P3H4: variants seen among roughly 807,000 people sequenced by gnomAD.
P3H4 encodes the protein endoplasmic reticulum protein SC65.
P3H4 carries 47 observed loss-of-function variants against 52.9 expected under a neutral mutation model. The observed-to-expected ratio is 0.89, with a 90% CI of 0.70 to 1.13. The LOEUF (loss-of-function observed/expected upper bound fraction) is 1.13. Ranked by LOEUF, P3H4 falls within the 50% of genes most tolerant of loss-of-function variation. The pLI is 0.00. For missense variants in P3H4, 585 were observed against 611.0 expected, an observed-to-expected ratio of 0.96 and a Z score of 0.45; for synonymous variants, 256 against 267.9, an observed-to-expected ratio of 0.96 and a Z score of 0.44.
At chr17:41,810,302 T>C (rs2047715921) in intron 3 of P3H4, among the ~76,000 whole-genome samples, 2 of 150,750 alleles carry the variant, frequency 1.3e-5, no homozygotes, top group African/African-American at 4.9e-5. Flanking sequence ...GCCTCCCGAG[T>C]AGCTGGGATT....
At chr17:41,808,696 C>T (rs2047699701) in intron 4 of P3H4, among the ~76,000 whole-genome samples, 1 of 152,118 alleles carries the variant, frequency 6.6e-6, no homozygotes, top group Non-Finnish European at 1.5e-5. Context: ...GCCATGCCTA[C>T]CTATTACTGT....
At position 41,803,409 on chromosome 17, in the gene P3H4, G is replaced by A. The variant is rs781875731; in HGVS notation, c.1169C>T (p.Pro390Leu). The change falls in exon 7 of 8, where the codon CCG becomes CTG. Residue 390 changes from proline (P) to leucine (L), a missense_variant. Physicochemically the swap from Pro to Leu is moderately conservative, Grantham distance 98 (BLOSUM62 -3). Coordinates refer to ENST00000393928, the MANE Select transcript of P3H4 (RefSeq NM_006455.3). ...TAGGGCATCCTCAGGCTCCAGGGGC[G>A]GTTCTGTCTCCTCCAGCTCCATCTA... Reference protein sequence around the residue: ...DDEMELEETEPPLEPEDALSD... With the variant: ...DDEMELEETELPLEPEDALSD... The A allele has an allele frequency of 3.5e-5, 56 of 1,613,666 alleles. No homozygotes were observed. In the Admixed American group the frequency reaches 5.7e-4, roughly 16 times the overall value.
rs1726526924 is a variant in P3H4, at chr17:41,811,474, G to C, written c.442C>G (p.Leu148Val). Residue 148 changes from leucine to valine, a missense_variant, in exon 1 of 8, where the codon CTG becomes GTG. By Grantham distance (32) the Leu-to-Val change is conservative (BLOSUM62 1). Transcript: ENST00000393928. The surrounding 1 kb of genome is among the most constrained non-coding windows in gnomAD (Gnocchi z 4.8). The stretch of plus-strand genomic sequence containing the variant: ...CCCACCTTGAACAGCGCGTAGTGCA[G>C]GTACTGGTAGGGCAGGCGGCTCTGG... ...DFQSRLPYQY[L>V]HYALFKANRL... 6.2e-7 allele frequency: 1 copy of C among 1,612,244 alleles called. No individual in the cohort carries two copies. The highest frequency in any genetic ancestry group is 1.3e-5 in the African/African-American group (1 of 74,930).
intron 5 of P3H4, 64 bp downstream of exon 5, chr17:41,807,795 G>A (rs781939152): frequency 4.5e-6 from 7 of 1,556,374 alleles, no homozygotes; most frequent in Non-Finnish European, 6.1e-6. Context: ...ACCGCGCCCG[G>A]CCGCCAGGAG....
rs535703163 is a variant in P3H4 at position 41,804,597 on chromosome 17, C to T, written c.1147-1166G>A. Among the ~76,000 whole-genome samples the T allele has an allele frequency of 3.5e-3, 536 of 152,254 alleles. 5 individuals carry two copies. Among genetic ancestry groups the T allele is most frequent in the African/African-American group, 0.012 (512 of 41,558 alleles). On this transcript the variant is annotated intron_variant, in intron 6 of 7. Transcript: ENST00000393928. ...GAGCTGAGACTGCACCACTGCACTC[C>T]AGCCTGGATGACAGAGTGAGACTCG...
chr17:41,809,609 C>T, intron 4 of P3H4, 97 bp downstream of exon 4: 1 of 1,431,922 alleles, frequency 7.0e-7, no homozygotes, highest in Non-Finnish European at 9.5e-7. Context: ...GTCCTCAATA[C>T]TGAAGGAAAG....
intron 5 of P3H4, chr17:41,807,080 G>A (rs1032364902): frequency 3.5e-6 from 2 of 573,650 alleles, no homozygotes; most frequent in East Asian, 2.9e-5. Context: ...GTGACAAAGA[G>A]TCCCTCAATC....
intron 6 of P3H4, among the ~76,000 whole-genome samples, chr17:41,805,865 T>A (rs552950151): frequency 1.6e-4 from 24 of 152,194 alleles, no homozygotes; most frequent in Non-Finnish European, 2.9e-4. Flanking sequence ...AGAGGATACA[T>A]AAATGAGCAC....
At chr17:41,803,238 C>A in intron 7 of P3H4, 49 bp downstream of exon 7, 3 of 1,584,802 alleles carry the variant, frequency 1.9e-6, no homozygotes, top group Non-Finnish European at 2.6e-6. Context: ...CTGTCCCCAA[C>A]CTCCATCCCA....
intron 5 of P3H4, 52 bp from the exon 6 acceptor site, chr17:41,806,931 T>A: frequency 6.9e-7 from 1 of 1,446,186 alleles, no homozygotes; most frequent in Non-Finnish European, 9.6e-7. Flanking sequence ...TGTTGCCAGA[T>A]GGCAAGAAGC....
chr17:41,802,740 G>A lies in P3H4; in HGVS notation c.*217C>T, dbSNP rs968011184. ...CTAATTTATGTATTTTAGTAGAGAC[G>A]GAGGTCTCATCATGTTGGCCAGGCT... is the stretch of plus-strand genomic sequence containing the variant. On this transcript the variant is annotated 3_prime_UTR_variant, in exon 8 of 8. Coordinates refer to ENST00000393928, the MANE Select transcript of P3H4 (RefSeq NM_006455.3). 2.5e-5 allele frequency: 13 copies of A among 509,846 alleles called. No homozygotes were observed. The highest frequency in any genetic ancestry group is 4.0e-5 in the Admixed American group (1 of 25,192). The allele number at this position is 509,846 out of a possible 1,614,324, so 31.6% of individuals were successfully genotyped here. A position where few individuals can be genotyped will look rare whatever the true frequency, so the allele number is the denominator to read the frequency against.
Position 41,811,507 on chromosome 17 carries a change from G to C in P3H4, c.409C>G (p.Arg137Gly), listed in dbSNP as rs782381020. 15 of 1,611,672 alleles carry C rather than the reference G, an allele frequency of 9.3e-6. No homozygotes were observed. The highest frequency in any genetic ancestry group is 6.6e-5 in the South Asian group (6 of 91,050). The change falls in exon 1 of 8, where the codon CGT (arginine) becomes GGT (glycine). Residue 137 changes from arginine (R) to glycine (G), a missense_variant. By Grantham distance (125) the Arg-to-Gly change is moderately radical. Coordinates refer to ENST00000393928, the MANE Select transcript of P3H4 (RefSeq NM_006455.3). This position sits in a 1 kb window ranked among gnomAD's most constrained non-coding sequence, Gnocchi z 4.8. ...TAGGGCAGGCGGCTCTGGAAGTCACGCAGCAGCTGCCGCGGCGGGTAGGGC... is the reference window on the plus strand; with the variant it reads ...TAGGGCAGGCGGCTCTGGAAGTCACCCAGCAGCTGCCGCGGCGGGTAGGGC... ...QVPYPPRQLL[R>G]DFQSRLPYQY...
Position 41,811,926 on chromosome 17 carries a change from C to T in P3H4, c.-11G>A, listed in dbSNP as rs1389394809. The T allele has an allele frequency of 4.0e-6, 6 of 1,498,014 alleles. No homozygotes were observed. The highest frequency in any genetic ancestry group is 5.3e-6 in the Non-Finnish European group (6 of 1,132,444). 92.8% of individuals were successfully genotyped at this position (1,498,014 alleles called of 1,614,324 possible). On this transcript the variant is annotated 5_prime_UTR_variant, in exon 1 of 8. Coordinates refer to ENST00000393928, the MANE Select transcript of P3H4 (RefSeq NM_006455.3). The surrounding 1 kb of genome is among the most constrained non-coding windows in gnomAD (Gnocchi z 4.8). ...CGCCACCCGAGCCATGCCCGCCGCG[C>T]CGCCGGCTCTCCGGAGCTGAGCTGG...
At chr17:41,807,083 C>T in intron 5 of P3H4, 1 of 572,314 alleles carries the variant, frequency 1.7e-6, no homozygotes, top group Non-Finnish European at 3.1e-6. Context: ...ACAAAGAGTC[C>T]CTCAATCGAT....
At chr17:41,806,688 C>T (rs914042907) in intron 6 of P3H4, 108 bp downstream of exon 6, 3 of 873,700 alleles carry the variant, frequency 3.4e-6, no homozygotes, top group East Asian at 2.6e-5. Context: ...TTCTTCACGA[C>T]AGCTGACCAC....
At chr17:41,810,073 C>T (rs1259200146) in intron 3 of P3H4, among the ~76,000 whole-genome samples, 2 of 151,950 alleles carry the variant, frequency 1.3e-5, no homozygotes, top group African/African-American at 2.4e-5. Flanking sequence ...CACTCAACCA[C>T]CACCCCAAGC....
chr17:41,805,633 T>C (rs1555614086), intron 6 of P3H4, among the ~76,000 whole-genome samples: 2 of 152,084 alleles, frequency 1.3e-5, no homozygotes, highest in Non-Finnish European at 2.9e-5. Flanking sequence ...CCAGATCTTG[T>C]GTTATTCTCA....
intron 4 of P3H4, 22 bp downstream of exon 4, chr17:41,809,684 C>A: frequency 6.2e-7 from 1 of 1,609,938 alleles, no homozygotes; most frequent in Non-Finnish European, 8.5e-7. Flanking sequence ...CCTGCCCAAG[C>A]CAGCCCACCC....
Position 41,811,662 on chromosome 17 carries a change from G to A in P3H4, c.254C>T (p.Pro85Leu). Reference protein sequence around the residue: ...FCHANCSGPAPAAKPDPDGGR... With the variant: ...FCHANCSGPALAAKPDPDGGR... The stretch of plus-strand genomic sequence containing the variant: ...GCCGTCGGGATCGGGCTTGGCCGCG[G>A]GCGCGGGGCCGCTGCAGTTGGCGTG... The change falls in exon 1 of 8, where the codon CCC becomes CTC. Residue 85 changes from proline (P) to leucine (L), a missense_variant. Coordinates refer to ENST00000393928, the MANE Select transcript of P3H4 (RefSeq NM_006455.3). This position sits in a 1 kb window ranked among gnomAD's most constrained non-coding sequence, Gnocchi z 4.8. 7.0e-7 allele frequency: 1 copy of A among 1,428,712 alleles called. No individual in the cohort carries two copies. The highest frequency in any genetic ancestry group is 9.1e-7 in the Non-Finnish European group (1 of 1,102,784). 88.5% of individuals were successfully genotyped at this position (1,428,712 alleles called of 1,614,324 possible).
Sources: allele counts gnomAD v4.1 joint callset (sites outside exome capture counted in the v4.1 genomes callset), GRCh38; gene constraint gnomAD v4.1.1; non-coding constraint Gnocchi (gnomAD v3.1); transcripts MANE v1.5; gene names NCBI Gene and HGNC (gene_info 2026-07-23, HGNC 2026-07-21).